CSTPP1: variants seen among roughly 807,000 people sequenced by gnomAD.
The protein encoded by CSTPP1 is UPF0705 protein C11orf49.
At chr11:47,158,601 T>A in the CSTPP1 span, among the ~76,000 whole-genome samples, 685 of 152,232 alleles carry the variant, frequency 4.5e-3, 7 homozygotes, top group South Asian at 0.039. Flanking sequence ...CTGTGTACAA[T>A]CTCAGCTCAC....
chr11:46,951,635 T>C, the CSTPP1 span, among the ~76,000 whole-genome samples: 3 of 152,324 alleles, frequency 2.0e-5, no homozygotes, highest in South Asian at 6.2e-4. Flanking sequence ...GGTGAGGTAG[T>C]GTCATTATTT....
At chr11:47,133,486 G>A in the CSTPP1 span, among the ~76,000 whole-genome samples, 1 of 152,222 alleles carries the variant, frequency 6.6e-6, no homozygotes, top group East Asian at 1.9e-4. Flanking sequence ...GTGGCTGGCA[G>A]GTGGGTGGGG....
chr11:47,161,800 C>T, the CSTPP1 span: 1 of 1,411,296 alleles, frequency 7.1e-7, no homozygotes, highest in Non-Finnish European at 9.2e-7. Flanking sequence ...ATGATCAGCC[C>T]AGCCAGTGGC....
the CSTPP1 span, among the ~76,000 whole-genome samples, chr11:46,952,843 A>G: frequency 6.6e-6 from 1 of 152,168 alleles, no homozygotes; most frequent in Non-Finnish European, 1.5e-5. Context: ...GTTCTTTATA[A>G]TTGGTTTGTT....
the CSTPP1 span, among the ~76,000 whole-genome samples, chr11:47,039,414 A>T: frequency 3.1e-5 from 4 of 127,634 alleles, no homozygotes; most frequent in African/African-American, 9.9e-5. Flanking sequence ...AGAATCAGGC[A>T]GCAGTACCGT....
chr11:47,022,571 T>C, the CSTPP1 span, among the ~76,000 whole-genome samples: 14 of 152,070 alleles, frequency 9.2e-5, no homozygotes, highest in African/African-American at 2.9e-4. Context: ...GGTTTCACCA[T>C]GTTGGCCAGG....
chr11:47,022,799 A>T, the CSTPP1 span, among the ~76,000 whole-genome samples: 1 of 152,200 alleles, frequency 6.6e-6, no homozygotes, highest in Non-Finnish European at 1.5e-5. Flanking sequence ...GAGTAATAAT[A>T]ATAAGATAGT....
At chr11:46,986,220 C>T in the CSTPP1 span, among the ~76,000 whole-genome samples, 1 of 152,176 alleles carries the variant, frequency 6.6e-6, no homozygotes, top group East Asian at 1.9e-4. Context: ...GATTCAAACT[C>T]AGGTCTGTCT....
chr11:46,983,278 A>G, the CSTPP1 span, among the ~76,000 whole-genome samples: 13 of 152,300 alleles, frequency 8.5e-5, no homozygotes, highest in African/African-American at 3.1e-4. Flanking sequence ...CTGATCCACA[A>G]TTGCCTTCAC....
chr11:46,943,454 C>T, the CSTPP1 span, among the ~76,000 whole-genome samples: 25 of 152,288 alleles, frequency 1.6e-4, no homozygotes, highest in East Asian at 4.4e-3. Context: ...TAGACCTATA[C>T]GTGGATCCTG....
At chr11:47,007,343 G>C in the CSTPP1 span, among the ~76,000 whole-genome samples, 1 of 152,020 alleles carries the variant, frequency 6.6e-6, no homozygotes, top group Admixed American at 6.6e-5. Context: ...TCATTTTGTA[G>C]TTTATGCTTT....
chr11:46,997,699 C>T, the CSTPP1 span, among the ~76,000 whole-genome samples: 3 of 152,134 alleles, frequency 2.0e-5, no homozygotes, highest in African/African-American at 4.8e-5. Context: ...GTTTTATCTA[C>T]CTTTGGTCTT....
the CSTPP1 span, among the ~76,000 whole-genome samples, chr11:47,124,869 C>G: frequency 1.3e-5 from 2 of 152,180 alleles, no homozygotes; most frequent in Non-Finnish European, 2.9e-5. Context: ...GAAAGCCTAA[C>G]TATTGTGTCG....
At chr11:47,163,331 C>T in the CSTPP1 span, among the ~76,000 whole-genome samples, 1 of 152,210 alleles carries the variant, frequency 6.6e-6, no homozygotes, top group Non-Finnish European at 1.5e-5. Context: ...GAGAGTCTAA[C>T]TCTATCAACT....
the CSTPP1 span, among the ~76,000 whole-genome samples, chr11:46,959,834 C>T: frequency 6.7e-6 from 1 of 149,878 alleles, no homozygotes; most frequent in African/African-American, 2.5e-5. Flanking sequence ...TTTAGATATG[C>T]TTAGCACACC....
the CSTPP1 span, among the ~76,000 whole-genome samples, chr11:46,968,847 C>T: frequency 1.1e-4 from 16 of 151,884 alleles, no homozygotes; most frequent in South Asian, 2.3e-3. Flanking sequence ...TGCAGTGAGC[C>T]GAGATCGTGC....
At chr11:47,074,291 A>C in the CSTPP1 span, among the ~76,000 whole-genome samples, 7 of 152,042 alleles carry the variant, frequency 4.6e-5, no homozygotes, top group Non-Finnish European at 4.4e-5. Context: ...CTTGAGCCCA[A>C]GAATTTGAGA....
At chr11:47,159,541 T>C in the CSTPP1 span, 1 of 411,320 alleles carries the variant, frequency 2.4e-6, no homozygotes, top group Non-Finnish European at 4.8e-6. Flanking sequence ...CAGGCGAGAG[T>C]CAGGAATCAA....
At chr11:47,041,772 G>T in the CSTPP1 span, 1 of 527,122 alleles carries the variant, frequency 1.9e-6, no homozygotes, top group Non-Finnish European at 3.8e-6. Context: ...CATCTGAGAT[G>T]TTGTGGGCTA....
Sources: allele counts gnomAD v4.1 joint callset (sites outside exome capture counted in the v4.1 genomes callset), GRCh38; gene constraint gnomAD v4.1.1; transcripts MANE v1.5; gene names NCBI Gene and HGNC (gene_info 2026-07-23, HGNC 2026-07-21).